The following NAV2 variants were observed in gnomAD, a reference collection of about 807,000 sequenced individuals.
The protein encoded by NAV2 is helicase, APC down-regulated 1.
Under a neutral mutation model 223.2 loss-of-function variants are expected in NAV2, and 54 were observed. That is an observed-to-expected ratio of 0.24 (90% CI 0.19 to 0.30). The LOEUF (loss-of-function observed/expected upper bound fraction) is 0.30, where lower values mean the gene tolerates loss of function less well. NAV2 is among the 10% of genes least tolerant of loss of function. The pLI, the probability that NAV2 is intolerant of heterozygous loss-of-function variation, is 1.00. For synonymous variants in NAV2, 1,279 were observed against 1,239.3 expected, an observed-to-expected ratio of 1.03 and a Z score of -0.67; for missense variants, 2,806 against 3,147.5, an observed-to-expected ratio of 0.89 and a Z score of 2.60.
intron 1 of NAV2, among the ~76,000 whole-genome samples, chr11:19,700,199 A>C (rs1452363692): frequency 6.6e-6 from 1 of 152,204 alleles, no homozygotes; most frequent in Non-Finnish European, 1.5e-5. Flanking sequence ...ATATTCATTT[A>C]ATCATTCCAA....
intron 1 of NAV2, chr11:19,380,633 G>A (rs1179803873): frequency 1.3e-5 from 2 of 152,246 alleles, no homozygotes; most frequent in Non-Finnish European, 1.5e-5. Flanking sequence ...ATCCCATGGT[G>A]TGACGTGGAG....
At chr11:19,354,176 C>T (rs1269326560) in intron 1 of NAV2, among the ~76,000 whole-genome samples, 1 of 152,198 alleles carries the variant, frequency 6.6e-6, no homozygotes, top group Non-Finnish European at 1.5e-5. Context: ...TTGTGCCAGG[C>T]ACCTTTCTAA....
rs1163311118 is a variant in NAV2 at position 19,714,872 on chromosome 11, AG to A, written c.267+915del. Among the ~76,000 whole-genome samples, 8 of 152,002 alleles carry A rather than the reference AG, an allele frequency of 5.3e-5. No individual in the cohort carries two copies. The East Asian group carries it at 1.5e-3, about 29-fold the overall frequency. Reference sequence around the variant, plus strand: ...TCCATTTCCCCCTTCTTCTGGTAGGAGGGGGCTATATTTTCTTGGCAGTCAG... The same window carrying A: ...TCCATTTCCCCCTTCTTCTGGTAGGAGGGGCTATATTTTCTTGGCAGTCAG... On this transcript the variant is annotated intron_variant, in intron 1 of 37. Coordinates refer to ENST00000349880, the MANE Select transcript of NAV2 (RefSeq NM_145117.5).
chr11:19,728,550 T>A (rs757451457), intron 1 of NAV2, among the ~76,000 whole-genome samples: 23 of 152,194 alleles, frequency 1.5e-4, no homozygotes, highest in Admixed American at 6.5e-5. Flanking sequence ...TTCAGCTCTG[T>A]CCACGTACAG....
At chr11:19,736,976 G>T (rs1219835444) in intron 1 of NAV2, among the ~76,000 whole-genome samples, 2 of 152,262 alleles carry the variant, frequency 1.3e-5, no homozygotes, top group African/African-American at 4.8e-5. Flanking sequence ...TGGCGGGCCG[G>T]TCTCACACAA....
chr11:19,721,143 G>A (rs556300909), intron 1 of NAV2, among the ~76,000 whole-genome samples: 15 of 152,314 alleles, frequency 9.8e-5, no homozygotes, highest in African/African-American at 3.6e-4. Context: ...AATAGCAAGT[G>A]TGAAAGCACT....
intron 1 of NAV2, among the ~76,000 whole-genome samples, chr11:19,646,991 G>A (rs1042233095): frequency 9.2e-5 from 14 of 152,168 alleles, no homozygotes; most frequent in Non-Finnish European, 1.6e-4. Context: ...CCACAGGCAG[G>A]TGGCAGGAGT....
chr11:19,558,300 G>A (rs1241473666), intron 1 of NAV2, among the ~76,000 whole-genome samples: 2 of 152,230 alleles, frequency 1.3e-5, no homozygotes, highest in African/African-American at 4.8e-5. Flanking sequence ...CTCATGTGAT[G>A]TTGGCTGGGC....
intron 10 of NAV2, among the ~76,000 whole-genome samples, chr11:19,961,675 T>A (rs2048360762): frequency 6.6e-6 from 1 of 152,162 alleles, no homozygotes; most frequent in African/African-American, 2.4e-5. Context: ...GAGCCTCCCA[T>A]GTGTTAAACT....
intron 1 of NAV2, among the ~76,000 whole-genome samples, chr11:19,495,430 C>G (rs556601849): frequency 6.6e-6 from 1 of 152,254 alleles, no homozygotes; most frequent in South Asian, 2.1e-4. Context: ...AGAGAGAGCC[C>G]TCAATTAAGC....
intron 1 of NAV2, among the ~76,000 whole-genome samples, chr11:19,679,134 C>A (rs1344431168): frequency 2.6e-5 from 4 of 152,194 alleles, no homozygotes; most frequent in Non-Finnish European, 5.9e-5. Context: ...AAAATTTTAA[C>A]AAGATTTTGA....
intron 1 of NAV2, among the ~76,000 whole-genome samples, chr11:19,729,368 T>C (rs1389280391): frequency 6.6e-6 from 1 of 152,110 alleles, no homozygotes; most frequent in Non-Finnish European, 1.5e-5. Flanking sequence ...CTGGCTCTTC[T>C]CCCTGCTGCC....
At chr11:19,843,158 C>T (rs1039005859) in intron 3 of NAV2, among the ~76,000 whole-genome samples, 2 of 152,134 alleles carry the variant, frequency 1.3e-5, no homozygotes, top group Non-Finnish European at 2.9e-5. Flanking sequence ...GAAATATTGT[C>T]CTTGTTCTTA....
chr11:19,690,542 A>T (rs1045916633), intron 1 of NAV2, among the ~76,000 whole-genome samples: 1 of 152,172 alleles, frequency 6.6e-6, no homozygotes, highest in Non-Finnish European at 1.5e-5. Context: ...CAGAATCAAC[A>T]CGTAATAAGT....
chr11:19,902,896 G>A (rs1348480465), intron 6 of NAV2, among the ~76,000 whole-genome samples: 1 of 148,018 alleles, frequency 6.8e-6, no homozygotes, highest in Non-Finnish European at 1.5e-5. Flanking sequence ...ATTTCTGTGA[G>A]CATATGTAGC....
intron 10 of NAV2, among the ~76,000 whole-genome samples, chr11:19,969,994 A>T (rs1382817074): frequency 1.3e-5 from 2 of 152,148 alleles, no homozygotes; most frequent in African/African-American, 4.8e-5. Flanking sequence ...AGTAACTAAC[A>T]ATAAAATATA....
chr11:19,582,273 T>A (rs1003134739), intron 1 of NAV2, among the ~76,000 whole-genome samples: 8 of 152,218 alleles, frequency 5.3e-5, no homozygotes, highest in African/African-American at 1.9e-4. Flanking sequence ...TAGCCCTTGG[T>A]CAGATGAGTA....
chr11:19,564,643 G>C (rs1214989315), intron 1 of NAV2, among the ~76,000 whole-genome samples: 2 of 152,202 alleles, frequency 1.3e-5, no homozygotes, highest in East Asian at 1.9e-4. Flanking sequence ...TGAGTGTCCA[G>C]ACCTGCCCTC....
At chr11:20,053,398 G>C (rs1185007237) in intron 17 of NAV2, among the ~76,000 whole-genome samples, 1 of 152,112 alleles carries the variant, frequency 6.6e-6, no homozygotes, top group Non-Finnish European at 1.5e-5. Context: ...TTGCTGAGTA[G>C]GTCTGAGGCT....
Sources: gnomAD v4.1 joint callset for allele counts (sites outside exome capture counted in the v4.1 genomes callset) on GRCh38, gnomAD v4.1.1 for gene constraint, MANE v1.5 for transcripts, NCBI Gene and HGNC (gene_info 2026-07-23, HGNC 2026-07-21) for gene names.